C16orf74: variants seen among roughly 807,000 people sequenced by gnomAD.
C16orf74 encodes uncharacterized protein C16orf74.
In C16orf74, 10 loss-of-function variants were observed where a neutral mutation model predicts 6.5. That is an observed-to-expected ratio of 1.54 (90% CI 0.95 to 2.61). The LOEUF is 2.61. Ranked by LOEUF, C16orf74 falls within the 30% of genes most tolerant of loss-of-function variation. C16orf74 has a pLI of 0.00. For missense variants in C16orf74, 141 were observed against 105.9 expected, an observed-to-expected ratio of 1.33 and a Z score of -1.45; for synonymous variants, 60 against 42.5, an observed-to-expected ratio of 1.41 and a Z score of -1.60.
At chr16:85,731,867 T>G (rs2054192211) in intron 2 of C16orf74, among the ~76,000 whole-genome samples, 1 of 152,042 alleles carries the variant, frequency 6.6e-6, no homozygotes, top group Non-Finnish European at 1.5e-5. Context: ...ATTTTTGTAT[T>G]TTTTGTAGGG....
At chr16:85,710,482 T>G (rs2053959052) in intron 2 of C16orf74, 175 bp from the exon 3 acceptor site, 1 of 543,810 alleles carries the variant, frequency 1.8e-6, no homozygotes, top group Non-Finnish European at 3.1e-6. Context: ...GTCTCAGGAA[T>G]GAAAAAGGAG....
intron 1 of C16orf74, among the ~76,000 whole-genome samples, chr16:85,745,426 A>T (rs2054362669): frequency 6.6e-6 from 1 of 152,256 alleles, no homozygotes; most frequent in African/African-American, 2.4e-5. Context: ...AGCTCACAAC[A>T]GACTGCTTGT....
At chr16:85,720,560 C>A (rs1041445301) in intron 2 of C16orf74, among the ~76,000 whole-genome samples, 4 of 151,928 alleles carry the variant, frequency 2.6e-5, no homozygotes, top group Non-Finnish European at 5.9e-5. Flanking sequence ...TTGAGCCCAG[C>A]AATTCTGTTC....
intron 2 of C16orf74, among the ~76,000 whole-genome samples, chr16:85,720,272 C>G (rs965331514): frequency 6.6e-6 from 1 of 152,154 alleles, no homozygotes; most frequent in Non-Finnish European, 1.5e-5. Context: ...ACAGGAGCTT[C>G]GACACACCAA....
At chr16:85,715,350 C>T (rs938489770) in intron 2 of C16orf74, among the ~76,000 whole-genome samples, 2 of 152,178 alleles carry the variant, frequency 1.3e-5, no homozygotes, top group African/African-American at 2.4e-5. Context: ...CCATGGCCAC[C>T]GTGCTCGGTG....
intron 2 of C16orf74, 136 bp downstream of exon 2, chr16:85,735,054 G>A: frequency 1.7e-6 from 1 of 588,080 alleles, no homozygotes; most frequent in East Asian, 3.5e-5. Flanking sequence ...AGCACCTGCT[G>A]TGTACAGGAC....
intron 2 of C16orf74, among the ~76,000 whole-genome samples, chr16:85,724,711 C>A (rs969283738): frequency 6.6e-6 from 1 of 152,122 alleles, no homozygotes; most frequent in Non-Finnish European, 1.5e-5. Flanking sequence ...GCCACCCCGG[C>A]CGGCGGGAGG....
chr16:85,725,364 G>A (rs1038941549), intron 2 of C16orf74, among the ~76,000 whole-genome samples: 3 of 152,284 alleles, frequency 2.0e-5, no homozygotes, highest in South Asian at 2.1e-4. Flanking sequence ...AGTCCCCACC[G>A]CAGCCCCATC....
intron 2 of C16orf74, among the ~76,000 whole-genome samples, chr16:85,715,263 A>T (rs985660523): frequency 3.3e-5 from 5 of 152,180 alleles, no homozygotes; most frequent in African/African-American, 1.2e-4. Context: ...CCCCTACCCC[A>T]AACAACCACA....
intron 1 of C16orf74, among the ~76,000 whole-genome samples, chr16:85,739,359 G>A (rs2054278552): frequency 6.6e-6 from 1 of 152,188 alleles, no homozygotes; most frequent in African/African-American, 2.4e-5. Flanking sequence ...ATTGATCACA[G>A]CCCACCCGGT....
At chr16:85,715,197 T>G (rs1433053164) in intron 2 of C16orf74, among the ~76,000 whole-genome samples, 4 of 151,142 alleles carry the variant, frequency 2.6e-5, no homozygotes. Context: ...TCCTGCAATC[T>G]TGCACAGAAG....
At chr16:85,730,457 G>T (rs2054176112) in intron 2 of C16orf74, among the ~76,000 whole-genome samples, 1 of 152,010 alleles carries the variant, frequency 6.6e-6, no homozygotes. Flanking sequence ...CCAGACTGGA[G>T]GGGAAGGGAA....
At chr16:85,724,634 G>A (rs1178836020) in intron 2 of C16orf74, among the ~76,000 whole-genome samples, 3 of 152,196 alleles carry the variant, frequency 2.0e-5, no homozygotes, top group Admixed American at 6.5e-5. Flanking sequence ...GGGATGATGG[G>A]AATGACGGGG....
rs776284296 is a variant in C16orf74 at position 85,710,257 on chromosome 16, C to T, written c.79G>A (p.Val27Ile). Residue 27 changes from valine to isoleucine, a missense_variant, in exon 3 of 4, where the codon GTC (valine) becomes ATC (isoleucine). Val to Ile is a conservative substitution (Grantham distance 29). Transcript: ENST00000284245. ...SSSSSHDEAPVLNDKHLDVPD... is the reference protein window; with the variant it reads ...SSSSSHDEAPILNDKHLDVPD... ...ACGTCCAGGTGCTTGTCGTTCAGGA[C>T]GGGGGCCTCGTCGTGGCTGCTGCTG... 13 of 1,513,168 alleles carry T rather than the reference C, an allele frequency of 8.6e-6. No homozygotes were observed. The Admixed American group carries it at 1.0e-4, about 12-fold the overall frequency. 93.7% of individuals were successfully genotyped at this position (1,513,168 alleles called of 1,614,324 possible).
At chr16:85,744,611 A>C (rs1374279560) in intron 1 of C16orf74, among the ~76,000 whole-genome samples, 1 of 152,204 alleles carries the variant, frequency 6.6e-6, no homozygotes, top group African/African-American at 2.4e-5. Context: ...CGGGCGGATC[A>C]CGAGGTCAGG....
intron 2 of C16orf74, among the ~76,000 whole-genome samples, chr16:85,725,956 C>A (rs1465090644): frequency 2.6e-5 from 4 of 152,152 alleles, no homozygotes; most frequent in Non-Finnish European, 5.9e-5. Flanking sequence ...CCCCAGGGAC[C>A]TCAGCTCCTC....
intron 1 of C16orf74, among the ~76,000 whole-genome samples, chr16:85,746,369 C>A (rs1202403692): frequency 6.6e-6 from 1 of 152,150 alleles, no homozygotes; most frequent in African/African-American, 2.4e-5. Context: ...ACAAAAACAA[C>A]AACAAAAACT....
At chr16:85,710,383 C>T (rs1188699550) in intron 2 of C16orf74, 76 bp from the exon 3 acceptor site, 16 of 1,381,750 alleles carry the variant, frequency 1.2e-5, no homozygotes, top group South Asian at 6.2e-5. Flanking sequence ...CCGGGAACCG[C>T]GGGCGCCACC....
At chr16:85,712,229 G>A (rs1164138942) in intron 2 of C16orf74, among the ~76,000 whole-genome samples, 3 of 152,208 alleles carry the variant, frequency 2.0e-5, no homozygotes, top group Non-Finnish European at 4.4e-5. Context: ...AGCCCCGGCT[G>A]ACATCTTGGA....
Sources: gnomAD v4.1 joint callset for allele counts (sites outside exome capture counted in the v4.1 genomes callset) on GRCh38, gnomAD v4.1.1 for gene constraint, MANE v1.5 for transcripts, NCBI Gene and HGNC (gene_info 2026-07-23, HGNC 2026-07-21) for gene names.